The following IL20RB variants were observed in gnomAD, a reference collection of about 807,000 sequenced individuals.
IL20RB encodes the protein interleukin 20 receptor subunit beta, also known as interleukin-20 receptor subunit beta.
Under a neutral mutation model 33.3 loss-of-function variants are expected in IL20RB, and 21 were observed. The observed-to-expected ratio is 0.63, with a 90% confidence interval of 0.45 to 0.91. IL20RB has a LOEUF of 0.91. Among genes scored for constraint, IL20RB ranks in the 40% least tolerant of loss-of-function variants. IL20RB has a pLI of 0.00. For synonymous variants in IL20RB, 147 were observed against 146.8 expected (o/e 1.00, Z -0.01); for missense variants, 345 against 384.8 (o/e 0.90, Z 0.86).
chr3:136,979,773 T>A (rs1252225939), intron 1 of IL20RB, among the ~76,000 whole-genome samples: 1 of 152,158 alleles, frequency 6.6e-6, no homozygotes, highest in African/African-American at 2.4e-5. Flanking sequence ...CCACAGCAGA[T>A]CTGAGCCTGT....
chr3:136,982,160 G>A lies in IL20RB; in HGVS notation c.216G>A (p.Gly72=), dbSNP rs941940329. 3 of 1,550,930 alleles carry A rather than the reference G, an allele frequency of 1.9e-6. No individual in the cohort carries two copies. The highest frequency in any genetic ancestry group is 2.7e-5 in the African/African-American group (2 of 73,636). Residue 72 remains glycine, a splice_region_variant and synonymous_variant, in exon 3 of 7, where the codon GGG becomes GGA. Coordinates refer to ENST00000329582, the MANE Select transcript of IL20RB (RefSeq NM_144717.4). ...CTCTGTGCCCTCCTCTCTTTGACAG[G>A]GAGTACGAGAGCCTGTACACGAGCC... ...ETVYYSVEYQ[G]EYESLYTSHI...
intron 1 of IL20RB, among the ~76,000 whole-genome samples, chr3:136,959,890 G>T (rs1334398301): frequency 6.6e-6 from 1 of 152,094 alleles, no homozygotes; most frequent in Non-Finnish European, 1.5e-5. Context: ...GTTATGAGGG[G>T]TTAAATAAGA....
At chr3:137,009,337 G>A (rs1193017192) in intron 6 of IL20RB, among the ~76,000 whole-genome samples, 1 of 152,206 alleles carries the variant, frequency 6.6e-6, no homozygotes, top group Non-Finnish European at 1.5e-5. Flanking sequence ...AAAAGTTGAT[G>A]TCTGCATGTT....
At chr3:136,981,989 T>C in intron 2 of IL20RB, 171 bp from the exon 3 acceptor site, 1 of 437,760 alleles carries the variant, frequency 2.3e-6, no homozygotes, top group Non-Finnish European at 4.1e-6. Flanking sequence ...ATAAAAGGAG[T>C]AAGGGACGAT....
chr3:136,998,314 A>G (rs1290230011), intron 6 of IL20RB, among the ~76,000 whole-genome samples: 1 of 151,672 alleles, frequency 6.6e-6, no homozygotes, highest in Non-Finnish European at 1.5e-5. Flanking sequence ...AGTTAATATT[A>G]TATCATTTCA....
chr3:136,961,422 G>A (rs1340408732), intron 1 of IL20RB, among the ~76,000 whole-genome samples: 4 of 151,666 alleles, frequency 2.6e-5, no homozygotes, highest in Non-Finnish European at 2.9e-5. Flanking sequence ...GCTAAATTCC[G>A]TGACTTCACA....
chr3:136,986,975 C>G (rs1941916579), intron 3 of IL20RB, among the ~76,000 whole-genome samples: 1 of 151,718 alleles, frequency 6.6e-6, no homozygotes, highest in South Asian at 2.1e-4. Flanking sequence ...CTGGTGGGCT[C>G]GTGGTCTCGC....
chr3:136,979,424 A>C (rs962617894), intron 1 of IL20RB, among the ~76,000 whole-genome samples: 2 of 152,166 alleles, frequency 1.3e-5, no homozygotes, highest in African/African-American at 4.8e-5. Context: ...CCCCACCCCC[A>C]CTATGCTGTA....
At chr3:136,983,975 T>A (rs1941843182) in intron 3 of IL20RB, among the ~76,000 whole-genome samples, 1 of 152,158 alleles carries the variant, frequency 6.6e-6, no homozygotes, top group Admixed American at 6.5e-5. Flanking sequence ...AAGCTGGGAA[T>A]ACAGGCACAT....
chr3:136,995,768 G>A (rs548697181), intron 6 of IL20RB, among the ~76,000 whole-genome samples: 1 of 152,258 alleles, frequency 6.6e-6, no homozygotes, highest in South Asian at 2.1e-4. Flanking sequence ...CCTTCCTGAG[G>A]CAAGCCACTT....
At chr3:137,005,998 G>T (rs531783010) in intron 6 of IL20RB, among the ~76,000 whole-genome samples, 2 of 152,312 alleles carry the variant, frequency 1.3e-5, no homozygotes, top group African/African-American at 4.8e-5. Context: ...TGGCTGTAAA[G>T]AATTTTATTT....
intron 1 of IL20RB, among the ~76,000 whole-genome samples, chr3:136,977,450 A>G (rs1224909267): frequency 3.3e-5 from 5 of 151,962 alleles, no homozygotes; most frequent in African/African-American, 1.2e-4. Context: ...CCCTGAGTAT[A>G]TTTTGTCAGA....
At chr3:136,985,439 G>T (rs1941877927) in intron 3 of IL20RB, among the ~76,000 whole-genome samples, 1 of 151,588 alleles carries the variant, frequency 6.6e-6, no homozygotes, top group South Asian at 2.1e-4. Flanking sequence ...CTGGGTTCTA[G>T]CGTTTCTCCT....
At position 136,970,268 on chromosome 3, in the gene IL20RB, AT is replaced by A. The variant is rs572346724; in HGVS notation, c.89-10191del. Among the ~76,000 whole-genome samples, 678 of 151,468 alleles carry A rather than the reference AT, an allele frequency of 4.5e-3. 9 individuals are homozygous for A. Among genetic ancestry groups the A allele is most frequent in the African/African-American group, 0.016 (650 of 41,290 alleles). On this transcript the variant is annotated intron_variant, in intron 1 of 6. Transcript: ENST00000329582. ...ACCACCACCCCTGGCTAATTTTTGT[AT>A]TTTTTTATAGAGATAGCGTTTTGCC...
At chr3:136,992,962 T>A (rs903057895) in intron 5 of IL20RB, among the ~76,000 whole-genome samples, 2 of 152,212 alleles carry the variant, frequency 1.3e-5, no homozygotes, top group African/African-American at 4.8e-5. Context: ...ACAAATATCA[T>A]ATCCATAACA....
intron 6 of IL20RB, among the ~76,000 whole-genome samples, chr3:136,997,949 T>C (rs1942163484): frequency 6.6e-6 from 1 of 151,986 alleles, no homozygotes; most frequent in South Asian, 2.1e-4. Context: ...TTTTGTATTT[T>C]AGTAGAGACA....
intron 3 of IL20RB, among the ~76,000 whole-genome samples, chr3:136,983,981 C>T (rs141749645): frequency 1.1e-3 from 165 of 152,270 alleles, no homozygotes; most frequent in Admixed American, 2.0e-3. Flanking sequence ...GGAATACAGG[C>T]ACATGCCACC....
chr3:137,005,739 T>C (rs970550390), intron 6 of IL20RB, among the ~76,000 whole-genome samples: 1 of 152,252 alleles, frequency 6.6e-6, no homozygotes, highest in Non-Finnish European at 1.5e-5. Context: ...CTGTGTCTTT[T>C]AATTGGGGCA....
chr3:137,008,357 A>G (rs1932992197), intron 6 of IL20RB, among the ~76,000 whole-genome samples: 1 of 152,222 alleles, frequency 6.6e-6, no homozygotes, highest in South Asian at 2.1e-4. Context: ...CATGGCAAAT[A>G]TGTTTCATCT....
Sources: gnomAD v4.1 joint callset for allele counts (sites outside exome capture counted in the v4.1 genomes callset) on GRCh38, gnomAD v4.1.1 for gene constraint, MANE v1.5 for transcripts, NCBI Gene and HGNC (gene_info 2026-07-23, HGNC 2026-07-21) for gene names.